Variants in WWP1 observed in about 807,000 individuals in gnomAD.
The protein encoded by WWP1 is NEDD4-like E3 ubiquitin-protein ligase WWP1.
Under a neutral mutation model 130.6 loss-of-function variants are expected in WWP1, and 49 were observed. That is an observed-to-expected ratio of 0.38 (90% CI 0.30 to 0.48). The LOEUF (loss-of-function observed/expected upper bound fraction) is 0.48. Among genes scored for constraint, WWP1 ranks in the 20% least tolerant of loss-of-function variants. The pLI is 0.99. For synonymous variants in WWP1, 332 were observed against 367.8 expected (o/e 0.90, Z 1.11); for missense variants, 809 against 1,100.6 (o/e 0.74, Z 3.75).
At chr8:86,466,500 C>A (rs1258645412) in intron 24 of WWP1, among the ~76,000 whole-genome samples, 1 of 149,980 alleles carries the variant, frequency 6.7e-6, no homozygotes, top group East Asian at 1.9e-4. Context: ...TAAGAGGACT[C>A]ATGACACATG....
intron 21 of WWP1, among the ~76,000 whole-genome samples, chr8:86,454,086 G>A (rs1304220454): frequency 6.6e-6 from 1 of 152,064 alleles, no homozygotes; most frequent in Non-Finnish European, 1.5e-5. Context: ...CTCAGTATCT[G>A]TGGGAGATTG....
intron 22 of WWP1, among the ~76,000 whole-genome samples, chr8:86,458,517 A>G (rs1811578818): frequency 2.0e-5 from 3 of 152,218 alleles, no homozygotes; most frequent in Non-Finnish European, 4.4e-5. Context: ...GGATGGTCTC[A>G]GGAATCCAAG....
chr8:86,435,615 T>C lies in WWP1; in HGVS notation c.1678-18T>C. The C allele has an allele frequency of 6.2e-7, 1 of 1,612,660 alleles. No homozygotes were observed. Among genetic ancestry groups the C allele is most frequent in the Non-Finnish European group, 8.5e-7 (1 of 1,179,004 alleles). On this transcript the variant is annotated intron_variant, in intron 15 of 24. Transcript: ENST00000517970. Reference sequence around the variant, plus strand: ...TACTATAACTCAGATGATATTATGATATTATTTTTGTTTTTAGTCTAATGC... The same window carrying C: ...TACTATAACTCAGATGATATTATGACATTATTTTTGTTTTTAGTCTAATGC...
chr8:86,448,354 A>G lies in WWP1; in HGVS notation c.2133-19A>G. On this transcript the variant is annotated intron_variant, in intron 19 of 24. Coordinates refer to ENST00000517970, the MANE Select transcript of WWP1 (RefSeq NM_007013.4). Reference sequence around the variant, plus strand: ...TGTTTCATTTTGTTAATTAGTGTATATATATTTATTTCACCCAGAGATAAC... The same window carrying G: ...TGTTTCATTTTGTTAATTAGTGTATGTATATTTATTTCACCCAGAGATAAC... The G allele has an allele frequency of 1.9e-6, 3 of 1,605,770 alleles. No individual in the cohort carries two copies. The highest frequency in any genetic ancestry group is 1.1e-5 in the South Asian group (1 of 89,152).
intron 5 of WWP1, among the ~76,000 whole-genome samples, chr8:86,383,120 T>C (rs755745625): frequency 1.3e-4 from 20 of 152,176 alleles, no homozygotes; most frequent in Non-Finnish European, 2.2e-4. Context: ...TTTATATATT[T>C]GGCTTAAAAC....
At chr8:86,378,141 G>A (rs893823184) in intron 3 of WWP1, among the ~76,000 whole-genome samples, 12 of 151,690 alleles carry the variant, frequency 7.9e-5, no homozygotes, top group African/African-American at 1.9e-4. Context: ...TAAAATACAC[G>A]TTTACTGTTC....
intron 11 of WWP1, among the ~76,000 whole-genome samples, chr8:86,430,203 C>CA (rs1385520976): frequency 2.6e-5 from 4 of 152,010 alleles, no homozygotes; most frequent in Admixed American, 1.3e-4. Context: ...GATCCTGTCT[C>CA]AAAAAACAAA....
At chr8:86,410,080 A>G (rs1808502334) in intron 8 of WWP1, among the ~76,000 whole-genome samples, 1 of 152,148 alleles carries the variant, frequency 6.6e-6, no homozygotes. Flanking sequence ...CCTAATATCA[A>G]ATCATCCTTG....
intron 12 of WWP1, 59 bp from the exon 13 acceptor site, chr8:86,431,343 GTTCC>G: frequency 1.6e-6 from 1 of 625,714 alleles, no homozygotes; most frequent in Non-Finnish European, 2.3e-6. Context: ...AATTATATGT[GTTCC>G]TTATTTTATA....
At chr8:86,384,690 G>A (rs906148880) in intron 5 of WWP1, among the ~76,000 whole-genome samples, 2 of 152,050 alleles carry the variant, frequency 1.3e-5, no homozygotes, top group Non-Finnish European at 2.9e-5. Flanking sequence ...TGGGGTTATT[G>A]TATATTTACC....
chr8:86,460,790 C>CTTTTTTTTTTTTTTTTT lies in WWP1; in HGVS notation c.2500-413_2500-397dup, dbSNP rs59506795. On this transcript the variant is annotated intron_variant, in intron 22 of 24. Transcript: ENST00000517970. The stretch of plus-strand genomic sequence containing the variant: ...ACCCTACAACCTCTTTTTAGCACAT[C>CTTTTTTTTTTTTTTTTT]TTTTTTTTTTTTTTTTTTTTTTTTT... Among the ~76,000 whole-genome samples, 7 of 62,404 alleles carry CTTTTTTTTTTTTTTTTT rather than the reference C, an allele frequency of 1.1e-4. 1 individual carries two copies. Among genetic ancestry groups the CTTTTTTTTTTTTTTTTT allele is most frequent in the Admixed American group, 7.9e-4 (3 of 3,802 alleles). The allele number at this position is 62,404 out of a possible 152,430, so 40.9% of individuals were successfully genotyped here. A position where few individuals can be genotyped will look rare whatever the true frequency, so the allele number is the denominator to read the frequency against.
At chr8:86,412,924 G>C (rs1808673698) in intron 9 of WWP1, among the ~76,000 whole-genome samples, 1 of 151,666 alleles carries the variant, frequency 6.6e-6, no homozygotes, top group Admixed American at 6.6e-5. Flanking sequence ...CGCCTCCCAG[G>C]TTCAAGTGAG....
intron 10 of WWP1, among the ~76,000 whole-genome samples, chr8:86,427,163 C>CAA (rs750674032): frequency 3.4e-4 from 44 of 127,550 alleles, no homozygotes; most frequent in Non-Finnish European, 5.2e-4. Context: ...AACGCCATCT[C>CAA]AAAAAAAAAA....
intron 5 of WWP1, among the ~76,000 whole-genome samples, chr8:86,394,093 C>A (rs1268711854): frequency 6.6e-6 from 1 of 152,180 alleles, no homozygotes; most frequent in Non-Finnish European, 1.5e-5. Context: ...TTATTTTTAG[C>A]CAGTAAGTTT....
intron 16 of WWP1, among the ~76,000 whole-genome samples, chr8:86,435,950 C>T (rs994723225): frequency 2.0e-5 from 3 of 152,150 alleles, no homozygotes; most frequent in Non-Finnish European, 4.4e-5. Flanking sequence ...CTACCCACCT[C>T]GGCCTCGTAA....
At chr8:86,449,963 C>T (rs960539769) in intron 20 of WWP1, among the ~76,000 whole-genome samples, 2 of 152,090 alleles carry the variant, frequency 1.3e-5, no homozygotes, top group African/African-American at 4.8e-5. Flanking sequence ...CAGTTTGGGC[C>T]ACTGCAAACA....
In WWP1 at chr8:86,467,816, A is replaced by C. The variant is rs1812257621; in HGVS notation, c.*923A>C. 6.6e-6 allele frequency: 1 copy of C among 152,242 alleles called. No individual in the cohort carries two copies. Among genetic ancestry groups the C allele is most frequent in the Admixed American group, 6.5e-5 (1 of 15,288 alleles). 9.4% of individuals were successfully genotyped at this position (152,242 alleles called of 1,614,324 possible). The stretch of plus-strand genomic sequence containing the variant: ...TCAAAATTTTGGTTTTTATGAAGCC[A>C]GATGGATTGAAGAGTTACATAAGCA... On this transcript the variant is annotated 3_prime_UTR_variant, in exon 25 of 25. Coordinates refer to ENST00000517970, the MANE Select transcript of WWP1 (RefSeq NM_007013.4).
At chr8:86,433,363 A>G (rs1255336921) in intron 14 of WWP1, among the ~76,000 whole-genome samples, 1 of 149,922 alleles carries the variant, frequency 6.7e-6, no homozygotes, top group Non-Finnish European at 1.5e-5. Flanking sequence ...TTTGCTTTCT[A>G]TATTCAGCTG....
At position 86,411,672 on chromosome 8, in the gene WWP1, C is replaced by G; in HGVS notation, c.859C>G (p.Leu287Val). ...TGAAGATCCTCCAGTTCAAGAAATA[C>G]TGACTTCCTCAGAAAACAATGAATG... ...TVEDPPVQEI[L>V]TSSENNECIP... Residue 287 changes from leucine to valine, a missense_variant, in exon 9 of 25, where the codon CTG becomes GTG. Leu to Val is a conservative substitution (Grantham distance 32, BLOSUM62 1). This residue lies in a region of WWP1 where 262 missense variants were observed against 346.0 expected (regional missense o/e 0.76). Transcript: ENST00000517970. 6.2e-7 allele frequency: 1 copy of G among 1,614,166 alleles called. No homozygotes were observed.
Sources: gnomAD v4.1 joint callset for allele counts (sites outside exome capture counted in the v4.1 genomes callset) on GRCh38, gnomAD v4.1.1 for gene constraint, gnomAD v4.1.1 regional missense constraint, MANE v1.5 for transcripts, NCBI Gene and HGNC (gene_info 2026-07-23, HGNC 2026-07-21) for gene names.